Variants in STXBP5 observed in about 807,000 individuals in gnomAD.
STXBP5 encodes the protein syntaxin-binding protein 5.
A neutral mutation model predicts 152.4 loss-of-function variants in STXBP5; 50 were observed. The observed-to-expected ratio is 0.33, with a 90% CI of 0.26 to 0.42. The LOEUF is 0.42. Ranked by LOEUF, STXBP5 falls within the 10% of genes least tolerant of loss-of-function variation. The pLI, the probability that STXBP5 is intolerant of heterozygous loss-of-function variation, is 1.00. For missense variants in STXBP5, 1,167 were observed against 1,388.6 expected, an observed-to-expected ratio of 0.84 and a Z score of 2.54; for synonymous variants, 492 against 494.7, an observed-to-expected ratio of 0.99 and a Z score of 0.07.
At chr6:147,240,663 T>TA (rs1778497064) in intron 4 of STXBP5, among the ~76,000 whole-genome samples, 1 of 152,162 alleles carries the variant, frequency 6.6e-6, no homozygotes, top group East Asian at 1.9e-4. Flanking sequence ...ACAGTATAGT[T>TA]ATAACAACTG....
At chr6:147,340,324 T>C (rs1472601020) in intron 21 of STXBP5, among the ~76,000 whole-genome samples, 3 of 152,084 alleles carry the variant, frequency 2.0e-5, no homozygotes, top group Admixed American at 2.0e-4. Flanking sequence ...TGAACCCTGT[T>C]TAGTCATATT....
At chr6:147,286,374 G>T (rs1186182567) in intron 8 of STXBP5, among the ~76,000 whole-genome samples, 2 of 152,112 alleles carry the variant, frequency 1.3e-5, no homozygotes, top group Non-Finnish European at 2.9e-5. Flanking sequence ...CAGTGTACAA[G>T]TATATATTTA....
At chr6:147,230,757 A>G (rs975463537) in intron 2 of STXBP5, among the ~76,000 whole-genome samples, 11 of 151,886 alleles carry the variant, frequency 7.2e-5, no homozygotes, top group South Asian at 2.1e-4. Context: ...CCTTGGTTCA[A>G]ATCTCAGCTT....
intron 4 of STXBP5, among the ~76,000 whole-genome samples, chr6:147,255,615 T>C (rs1408070992): frequency 6.6e-6 from 1 of 152,076 alleles, no homozygotes; most frequent in Non-Finnish European, 1.5e-5. Flanking sequence ...CTGCCTCAGC[T>C]CAAGCAATCC....
intron 26 of STXBP5, among the ~76,000 whole-genome samples, chr6:147,379,630 G>A (rs942560372): frequency 2.0e-5 from 3 of 152,068 alleles, no homozygotes; most frequent in Admixed American, 6.6e-5. Flanking sequence ...ACATAGGAAT[G>A]GAGGCTCTAG....
At chr6:147,211,373 GTAA>G (rs907481762) in intron 2 of STXBP5, among the ~76,000 whole-genome samples, 7 of 151,076 alleles carry the variant, frequency 4.6e-5, no homozygotes, top group Non-Finnish European at 8.8e-5. Flanking sequence ...CTACTTAGAT[GTAA>G]TAATAATGTA....
At chr6:147,286,868 A>G (rs1183319575) in intron 8 of STXBP5, among the ~76,000 whole-genome samples, 1 of 152,088 alleles carries the variant, frequency 6.6e-6, no homozygotes, top group Non-Finnish European at 1.5e-5. Context: ...AAGCTATGTC[A>G]AAAATCTTAC....
intron 4 of STXBP5, among the ~76,000 whole-genome samples, chr6:147,251,416 GCA>G (rs1229252337): frequency 6.6e-6 from 1 of 152,146 alleles, no homozygotes. Context: ...TATCGCAGTG[GCA>G]CCTGGAATGC....
In STXBP5 at chr6:147,334,169, A is replaced by T; in HGVS notation, c.2093A>T (p.Asp698Val). ...TTTTGTTTTGTAGCCGGTCTGTGTGATATTAGTGAAGGGACTGTTGTTCCA... is the reference window on the plus strand; with the variant it reads ...TTTTGTTTTGTAGCCGGTCTGTGTGTTATTAGTGAAGGGACTGTTGTTCCA... ...SRQPSGAGLC[D>V]ISEGTVVPED... The change falls in exon 19 of 28, where the codon GAT becomes GTT. Residue 698 changes from aspartate (D) to valine (V), a missense_variant. Physicochemically the swap from Asp to Val is radical, Grantham distance 152 (BLOSUM62 -3). Transcript: ENST00000321680. The T allele has an allele frequency of 6.2e-7, 1 of 1,612,820 alleles. No individual in the cohort carries two copies. Among genetic ancestry groups the T allele is most frequent in the East Asian group, 2.2e-5 (1 of 44,810 alleles).
At chr6:147,284,130 G>T (rs1389116012) in intron 8 of STXBP5, among the ~76,000 whole-genome samples, 1 of 151,910 alleles carries the variant, frequency 6.6e-6, no homozygotes, top group Non-Finnish European at 1.5e-5. Flanking sequence ...CTAAATCTTT[G>T]AAATCTAGTG....
chr6:147,385,105 C>T lies in STXBP5; in HGVS notation c.*350C>T, dbSNP rs767636613. ...TTTCATATGCCAAAAGGGTTTGTGC[C>T]GTTTTATCTGCCATCAGTGTTTGAC... On this transcript the variant is annotated 3_prime_UTR_variant, in exon 28 of 28. Coordinates refer to ENST00000321680, the MANE Select transcript of STXBP5 (RefSeq NM_001127715.4). 3 of 236,854 alleles carry T rather than the reference C, an allele frequency of 1.3e-5. No homozygotes were observed. Among genetic ancestry groups the T allele is most frequent in the Admixed American group, 5.5e-5 (1 of 18,086 alleles). 14.7% of individuals were successfully genotyped at this position (236,854 alleles called of 1,614,324 possible). A position where few individuals can be genotyped will look rare whatever the true frequency, so the allele number is the denominator to read the frequency against.
chr6:147,345,884 A>G (rs1308455744), intron 21 of STXBP5, among the ~76,000 whole-genome samples: 4 of 152,208 alleles, frequency 2.6e-5, no homozygotes, highest in East Asian at 3.9e-4. Flanking sequence ...CGTTATTCCT[A>G]CTAAACAAAT....
intron 26 of STXBP5, 118 bp from the exon 27 acceptor site, chr6:147,382,660 A>T: frequency 1.0e-6 from 1 of 1,003,878 alleles, no homozygotes; most frequent in Non-Finnish European, 1.5e-6. Context: ...TTCACTTTAT[A>T]ATTTTATTTC....
intron 9 of STXBP5, among the ~76,000 whole-genome samples, chr6:147,301,757 CTT>C (rs1410590436): frequency 6.6e-6 from 1 of 152,034 alleles, no homozygotes; most frequent in East Asian, 1.9e-4. Context: ...ATTCTGATGT[CTT>C]CTCCCTACAC....
chr6:147,215,494 C>T (rs1330560630), intron 2 of STXBP5, among the ~76,000 whole-genome samples: 1 of 152,122 alleles, frequency 6.6e-6, no homozygotes, highest in Non-Finnish European at 1.5e-5. Flanking sequence ...GATCCTCCCA[C>T]CTCAGTCCCC....
chr6:147,220,836 T>C (rs145920552), intron 2 of STXBP5, among the ~76,000 whole-genome samples: 1 of 152,282 alleles, frequency 6.6e-6, no homozygotes, highest in African/African-American at 2.4e-5. Flanking sequence ...TGTCTTTTAA[T>C]TGGTGCATTT....
At chr6:147,354,705 A>G (rs899275314) in intron 22 of STXBP5, among the ~76,000 whole-genome samples, 3 of 152,230 alleles carry the variant, frequency 2.0e-5, no homozygotes, top group African/African-American at 7.2e-5. Flanking sequence ...TTTTTAAGGC[A>G]TACTCACATT....
intron 21 of STXBP5, among the ~76,000 whole-genome samples, chr6:147,350,403 A>G (rs560878334): frequency 3.9e-5 from 6 of 152,246 alleles, no homozygotes; most frequent in African/African-American, 1.4e-4. Context: ...CAATGTATGT[A>G]TAGATGGTGA....
chr6:147,213,430 ATATATGTGTGTGTGTGTG>A (rs1335659732), intron 2 of STXBP5, among the ~76,000 whole-genome samples: 5 of 68,436 alleles, frequency 7.3e-5, no homozygotes, highest in Middle Eastern at 6.8e-3. Context: ...ACATAATTTT[ATATATGTGTGTGTGTGTG>A]TGTGTGTGTG....
Sources: gnomAD v4.1 joint callset for allele counts (sites outside exome capture counted in the v4.1 genomes callset) on GRCh38, gnomAD v4.1.1 for gene constraint, MANE v1.5 for transcripts, NCBI Gene and HGNC (gene_info 2026-07-23, HGNC 2026-07-21) for gene names.